Variants in PTDSS2 observed in about 807,000 individuals in gnomAD.
PTDSS2 encodes the protein phosphatidylserine synthase 2.
In PTDSS2, 41 loss-of-function variants were observed where a neutral mutation model predicts 64.7. That is an observed-to-expected ratio of 0.63 (90% confidence interval 0.49 to 0.82). The LOEUF is 0.82. Ranked by LOEUF, PTDSS2 falls within the 40% of genes least tolerant of loss-of-function variation. PTDSS2 has a pLI of 0.00. For missense variants in PTDSS2, 485 were observed against 650.0 expected (o/e 0.75, Z 2.76); for synonymous variants, 297 against 277.8 (o/e 1.07, Z -0.69).
chr11:449,966 T>G (rs1846240821), upstream of PTDSS2, among the ~76,000 whole-genome samples: 1 of 151,396 alleles, frequency 6.6e-6, no homozygotes, highest in Admixed American at 6.6e-5. Context: ...ATGACCCGGG[T>G]CGCATGGGGT....
chr11:477,206 T>A (rs544112434), intron 3 of PTDSS2, among the ~76,000 whole-genome samples: 1 of 152,342 alleles, frequency 6.6e-6, no homozygotes, highest in African/African-American at 2.4e-5. Flanking sequence ...CTGCTTTCTT[T>A]GGAAACTTGA....
chr11:479,325 C>T lies in PTDSS2; in HGVS notation c.435+173C>T, dbSNP rs1409969323. On this transcript the variant is annotated intron_variant, in intron 4 of 11. Coordinates refer to ENST00000308020, the MANE Select transcript of PTDSS2 (RefSeq NM_030783.3). This position sits in a 1 kb window ranked among gnomAD's most constrained non-coding sequence, Gnocchi z 4.2. ...GGTCTCCAGGAGCATCTGTGCGGCC[C>T]TTGAGTGATGGGGGGCAGCAAAGCT... is the stretch of plus-strand genomic sequence containing the variant. The T allele has an allele frequency of 1.5e-6, 1 of 673,400 alleles. No individual in the cohort carries two copies. The highest frequency in any genetic ancestry group is 1.8e-5 in the African/African-American group (1 of 56,002). The allele number at this position is 673,400 out of a possible 1,614,324, so 41.7% of individuals were successfully genotyped here. A position where few individuals can be genotyped will look rare whatever the true frequency, so the allele number is the denominator to read the frequency against.
At chr11:448,468 G>A (rs1307644209), upstream of PTDSS2, 5 of 152,254 alleles carry the variant, frequency 3.3e-5, no homozygotes, top group South Asian at 4.1e-4. Context: ...GGGACCTGAA[G>A]GATGGTTCAC....
intron 1 of PTDSS2, among the ~76,000 whole-genome samples, chr11:458,394 A>C (rs1846696891): frequency 6.7e-6 from 1 of 149,682 alleles, no homozygotes; most frequent in Non-Finnish European, 1.5e-5. Context: ...TTTAGTAGAG[A>C]TGGGGTTTCA....
At chr11:484,041 A>AG (rs1335613859) in intron 4 of PTDSS2, among the ~76,000 whole-genome samples, 2 of 152,206 alleles carry the variant, frequency 1.3e-5, no homozygotes, top group Non-Finnish European at 1.5e-5. Context: ...GCACGTTGCC[A>AG]GGAATTCTTG....
At chr11:490,177 A>T (rs1848606793) in intron 11 of PTDSS2, 109 bp downstream of exon 11, 1 of 1,304,406 alleles carries the variant, frequency 7.7e-7, no homozygotes, top group African/African-American at 1.5e-5. Flanking sequence ...TCCCTGCTTC[A>T]ACCCTCTGGC....
intron 4 of PTDSS2, among the ~76,000 whole-genome samples, chr11:486,545 A>G (rs1848397648): frequency 1.3e-5 from 2 of 152,190 alleles, no homozygotes; most frequent in African/African-American, 4.8e-5. Context: ...GATGCAGTTT[A>G]CAACCATGAT....
At chr11:486,826 C>T (rs55653405) in intron 4 of PTDSS2, 113 bp from the exon 5 acceptor site, 418,304 of 1,359,016 alleles carry the variant, frequency 0.31, 67,087 homozygotes, top group African/African-American at 0.46. Flanking sequence ...CCAGCCTGGG[C>T]GACAGAGCGA....
intron 4 of PTDSS2, among the ~76,000 whole-genome samples, chr11:482,755 C>T (rs987051609): frequency 4.0e-5 from 6 of 151,790 alleles, no homozygotes; most frequent in Admixed American, 1.3e-4. Flanking sequence ...ATCTCCCTAC[C>T]GAGTGCAGAA....
chr11:490,090 A>T, intron 11 of PTDSS2, 22 bp downstream of exon 11: 1 of 1,589,114 alleles, frequency 6.3e-7, no homozygotes, highest in Non-Finnish European at 8.5e-7. Flanking sequence ...CAGGGCGCGT[A>T]TGTTCTGAAG....
intron 5 of PTDSS2, 72 bp downstream of exon 5, chr11:487,145 G>C: frequency 7.1e-7 from 1 of 1,415,178 alleles, no homozygotes; most frequent in Non-Finnish European, 9.8e-7. Context: ...CGCCATCCAC[G>C]CTCCTGCCTC....
At chr11:488,070 CGTGGGCAGGGCCGGGCG>C in intron 6 of PTDSS2, 112 bp from the exon 7 acceptor site, 1 of 604,738 alleles carries the variant, frequency 1.7e-6, no homozygotes, top group African/African-American at 2.8e-5. Context: ...TGCACGCACC[CGTGGGCAGGGCCGGGCG>C]TGGCCGGCGT....
Position 450,494 on chromosome 11 carries a change from G to T in PTDSS2, c.39G>T (p.Arg13=), listed in dbSNP as rs1487219495. 8.1e-7 allele frequency: 1 copy of T among 1,236,642 alleles called. No individual in the cohort carries two copies. The highest frequency in any genetic ancestry group is 1.0e-6 in the Non-Finnish European group (1 of 984,486). The allele number at this position is 1,236,642 out of a possible 1,614,324, so 76.6% of individuals were successfully genotyped here. The change falls in exon 1 of 12, where the codon CGG becomes CGT. Residue 13 remains arginine (R), a synonymous_variant. Transcript: ENST00000308020. ...RGERRDAGGP[R]PESPVPAGRA... is the part of the protein sequence containing the mutation. ...AGCGCAGGGACGCCGGAGGTCCGCG[G>T]CCCGAGTCCCCGGTGCCCGCGGGCA...
chr11:477,062 G>T (rs988015343), intron 3 of PTDSS2, among the ~76,000 whole-genome samples: 1 of 152,214 alleles, frequency 6.6e-6, no homozygotes, highest in African/African-American at 2.4e-5. Context: ...GGTGGTCCCT[G>T]TGGGCTCTGC....
intron 6 of PTDSS2, among the ~76,000 whole-genome samples, chr11:487,671 C>T (rs2301172): frequency 0.043 from 6,564 of 152,264 alleles, 278 homozygotes; most frequent in East Asian, 0.15. Context: ...GTCCCCGCTC[C>T]GTCCTCAGGG....
intron 2 of PTDSS2, among the ~76,000 whole-genome samples, chr11:466,871 A>G (rs1847170351): frequency 6.6e-6 from 1 of 152,172 alleles, no homozygotes; most frequent in Non-Finnish European, 1.5e-5. Flanking sequence ...ACCGTGTCAC[A>G]TGGCAAAACC....
chr11:470,578 A>G lies in PTDSS2; in HGVS notation c.285-3317A>G, dbSNP rs1847381082. On this transcript the variant is annotated intron_variant, in intron 2 of 11. Coordinates refer to ENST00000308020, the MANE Select transcript of PTDSS2 (RefSeq NM_030783.3). The surrounding 1 kb of genome is among the most constrained non-coding windows in gnomAD (Gnocchi z 5.3). ...GGCAGCACTGGCTTATTTATTTTTT[A>G]TTTTTTATGTTTATTTTATTTTATT... 6.6e-6 allele frequency among the ~76,000 whole-genome samples: 1 copy of G among 151,880 alleles called. No individual in the cohort carries two copies. Among genetic ancestry groups the G allele is most frequent in the Admixed American group, 6.6e-5 (1 of 15,244 alleles).
rs373917595 is a variant in PTDSS2 at position 480,581 on chromosome 11, C to T, written c.435+1429C>T. 9.1e-4 allele frequency: 144 copies of T among 157,406 alleles called. 3 individuals are homozygous for T. In the South Asian group the frequency reaches 0.021, roughly 23 times the overall value. The allele number at this position is 157,406 out of a possible 1,614,324, so 9.8% of individuals were successfully genotyped here. Reference sequence around the variant, plus strand: ...TTCTTTTACTATTTATTTTTTGAGACGACGTCTTACTCTGTCACCCAGGCT... The same window carrying T: ...TTCTTTTACTATTTATTTTTTGAGATGACGTCTTACTCTGTCACCCAGGCT... On this transcript the variant is annotated intron_variant, in intron 4 of 11. Coordinates refer to ENST00000308020, the MANE Select transcript of PTDSS2 (RefSeq NM_030783.3).
chr11:485,138 G>A (rs211532), intron 4 of PTDSS2, among the ~76,000 whole-genome samples: 20 of 133,826 alleles, frequency 1.5e-4, no homozygotes, highest in South Asian at 2.4e-4. Context: ...CACTGTGTGC[G>A]CAGGCGAGTG....
Sources: gnomAD v4.1 joint callset for allele counts (sites outside exome capture counted in the v4.1 genomes callset) on GRCh38, gnomAD v4.1.1 for gene constraint, Gnocchi (gnomAD v3.1) non-coding constraint, MANE v1.5 for transcripts, NCBI Gene and HGNC (gene_info 2026-07-23, HGNC 2026-07-21) for gene names.